The following FAM184A variants were observed in gnomAD, a reference collection of about 807,000 sequenced individuals.
The protein encoded by FAM184A is family with sequence similarity 184 member A.
FAM184A carries 99 observed loss-of-function variants against 143.8 expected under a neutral mutation model. The observed-to-expected ratio is 0.69, with a 90% CI of 0.58 to 0.81. The LOEUF is 0.81. Among genes scored for constraint, FAM184A ranks in the 40% least tolerant of loss-of-function variants. The pLI, the probability that FAM184A is intolerant of heterozygous loss-of-function variation, is 0.00. For synonymous variants in FAM184A, 427 were observed against 446.4 expected, an observed-to-expected ratio of 0.96 and a Z score of 0.55; for missense variants, 1,217 against 1,310.5, an observed-to-expected ratio of 0.93 and a Z score of 1.10.
At chr6:119,018,568 T>G (rs1258722183) in intron 4 of FAM184A, among the ~76,000 whole-genome samples, 1 of 152,126 alleles carries the variant, frequency 6.6e-6, no homozygotes, top group African/African-American at 2.4e-5. Flanking sequence ...GATGGGGTCT[T>G]TTACACCAAG....
At chr6:119,037,041 A>C (rs1786140461) in intron 1 of FAM184A, among the ~76,000 whole-genome samples, 1 of 152,178 alleles carries the variant, frequency 6.6e-6, no homozygotes, top group Admixed American at 6.6e-5. Flanking sequence ...ACACTGAGAG[A>C]ATGAGTGCCA....
chr6:119,093,099 G>A (rs953500417), intron 1 of FAM184A, among the ~76,000 whole-genome samples: 1 of 152,114 alleles, frequency 6.6e-6, no homozygotes, highest in Non-Finnish European at 1.5e-5. Context: ...GCTCAATTCT[G>A]TGGCAGAATT....
Position 119,118,435 on chromosome 6 carries a change from T to C in FAM184A, c.-202+30643A>G, listed in dbSNP as rs626949. Among the ~76,000 whole-genome samples the C allele has an allele frequency of 4.3e-3, 648 of 152,344 alleles. 3 individuals carry two copies. The highest frequency in any genetic ancestry group is 0.015 in the African/African-American group (619 of 41,576). On this transcript the variant is annotated intron_variant, in intron 1 of 16. Coordinates refer to the FAM184A transcript ENST00000352896. The stretch of plus-strand genomic sequence containing the variant: ...ATCTCAACAGAGTTTATAAAGCTAT[T>C]ATGTTTCTCATGAGTTGTTGCGGGA...
At chr6:118,973,544 A>C (rs900546223) in intron 14 of FAM184A, among the ~76,000 whole-genome samples, 2 of 152,220 alleles carry the variant, frequency 1.3e-5, no homozygotes, top group African/African-American at 4.8e-5. Context: ...GGATAATGGG[A>C]TTAGTCACTA....
intron 14 of FAM184A, among the ~76,000 whole-genome samples, chr6:118,973,504 TGTTAA>T (rs560467249): frequency 1.9e-4 from 29 of 152,204 alleles, no homozygotes; most frequent in Non-Finnish European, 3.7e-4. Context: ...ACATTGGAGC[TGTTAA>T]GTTTACATTT....
upstream of FAM184A, among the ~76,000 whole-genome samples, chr6:119,079,936 C>T (rs184203177): frequency 6.6e-6 from 1 of 152,260 alleles, no homozygotes; most frequent in Admixed American, 6.5e-5. Context: ...TTGTCTAGTT[C>T]CGAGGTTCTG....
intron 1 of FAM184A, among the ~76,000 whole-genome samples, chr6:119,085,873 A>G (rs988422997): frequency 2.6e-5 from 4 of 152,198 alleles, no homozygotes; most frequent in Non-Finnish European, 5.9e-5. Flanking sequence ...CAGGAGAAAG[A>G]GAGAGTGGGG....
intron 1 of FAM184A, among the ~76,000 whole-genome samples, chr6:119,041,754 G>A (rs533697584): frequency 6.6e-6 from 1 of 152,236 alleles, no homozygotes; most frequent in Non-Finnish European, 1.5e-5. Context: ...ATCCAGTGAG[G>A]TGCCCACTGC....
intron 1 of FAM184A, among the ~76,000 whole-genome samples, chr6:119,040,865 C>T (rs1012017504): frequency 6.6e-6 from 1 of 152,162 alleles, no homozygotes; most frequent in Non-Finnish European, 1.5e-5. Flanking sequence ...GAAATTCTTA[C>T]CCCAAGCCGC....
chr6:119,032,490 G>GGGGAGAGGGAGAGGGAAGA (rs1554270083), intron 1 of FAM184A, among the ~76,000 whole-genome samples: 1 of 150,104 alleles, frequency 6.7e-6, no homozygotes, highest in Non-Finnish European at 1.5e-5. Context: ...GGTGGGGGAG[G>GGGGAGAGGGAGAGGGAAGA]GGGAGAGGGA....
rs1204486698 is a variant in FAM184A at position 119,140,640 on chromosome 6, T to C, written c.-202+8438A>G. Among the ~76,000 whole-genome samples, 10 of 152,322 alleles carry C rather than the reference T, an allele frequency of 6.6e-5. No individual in the cohort carries two copies. In the East Asian group the frequency reaches 1.2e-3, roughly 18 times the overall value. ...ATGCCTGCAATCTGGTTCCCTCGCC[T>C]TCCTTCTCTGCTGTTGCAGTTTGAA... On this transcript the variant is annotated intron_variant, in intron 1 of 16. Coordinates refer to the FAM184A transcript ENST00000352896.
rs183065804 is a variant in FAM184A at position 118,971,473 on chromosome 6, G to A, written c.2915+2955C>T. Among the ~76,000 whole-genome samples, 31 of 151,912 alleles carry A rather than the reference G, an allele frequency of 2.0e-4. No homozygotes were observed. In the East Asian group the frequency reaches 5.4e-3, roughly 26 times the overall value. ...ACCATCTTTTTGCATATTAAAAATC[G>A]GCCATGACCTCAAGTTGTAGAGAAT... On this transcript the variant is annotated intron_variant, in intron 14 of 17. Coordinates refer to ENST00000338891, the MANE Select transcript of FAM184A (RefSeq NM_024581.6).
chr6:119,144,333 C>CAA (rs555955754), intron 1 of FAM184A, among the ~76,000 whole-genome samples: 11 of 77,936 alleles, frequency 1.4e-4, no homozygotes, highest in African/African-American at 2.7e-4. Flanking sequence ...GACTCTGACT[C>CAA]AAAAAAAAAA....
intron 1 of FAM184A, among the ~76,000 whole-genome samples, chr6:119,089,027 T>A (rs1409757292): frequency 6.6e-6 from 1 of 151,722 alleles, no homozygotes; most frequent in African/African-American, 2.4e-5. Flanking sequence ...ATCTCTCTCA[T>A]GTTACATGTT....
chr6:119,037,499 T>A (rs994006210), intron 1 of FAM184A, among the ~76,000 whole-genome samples: 4 of 152,190 alleles, frequency 2.6e-5, no homozygotes, highest in Non-Finnish European at 5.9e-5. Flanking sequence ...TCTGATAACA[T>A]GCCTTCACTG....
At chr6:119,082,486 A>G (rs930715501), upstream of FAM184A, among the ~76,000 whole-genome samples, 1 of 152,272 alleles carries the variant, frequency 6.6e-6, no homozygotes, top group Non-Finnish European at 1.5e-5. Context: ...AAAGCAAGTT[A>G]GTTACTTCCA....
chr6:118,970,859 G>C (rs1211761144), intron 14 of FAM184A, among the ~76,000 whole-genome samples: 1 of 152,124 alleles, frequency 6.6e-6, no homozygotes, highest in Non-Finnish European at 1.5e-5. Flanking sequence ...CAATGTCTGT[G>C]ATTCATGGAC....
chr6:119,029,876 C>A (rs1220303660), intron 1 of FAM184A, among the ~76,000 whole-genome samples: 1 of 152,074 alleles, frequency 6.6e-6, no homozygotes, highest in Admixed American at 6.5e-5. Flanking sequence ...TTGCCTATAG[C>A]TGCTTTCCCA....
chr6:119,026,926 C>T (rs1416083072), intron 1 of FAM184A, among the ~76,000 whole-genome samples: 1 of 152,144 alleles, frequency 6.6e-6, no homozygotes, highest in Admixed American at 6.5e-5. Context: ...TCGGTCTTCT[C>T]CAGAGAGCAT....
Sources: gnomAD v4.1 joint callset for allele counts (sites outside exome capture counted in the v4.1 genomes callset) on GRCh38, gnomAD v4.1.1 for gene constraint, MANE v1.5 for transcripts, NCBI Gene and HGNC (gene_info 2026-07-23, HGNC 2026-07-21) for gene names.